The following IL17D variants were observed in gnomAD, a reference collection of about 807,000 sequenced individuals.
IL17D encodes interleukin 17D.
IL17D carries 10 observed loss-of-function variants against 5.7 expected under a neutral mutation model. That is an observed-to-expected ratio of 1.75 (90% confidence interval 1.08 to 2.97). The LOEUF is 2.97. IL17D is among the 30% of genes most tolerant of loss of function. The pLI is 0.00. For synonymous variants in IL17D, 172 were observed against 141.7 expected (o/e 1.21, Z -1.52); for missense variants, 354 against 292.7 (o/e 1.21, Z -1.53).
chr13:20,718,778 A>T (rs1248397309), intron 1 of IL17D, among the ~76,000 whole-genome samples: 2 of 138,098 alleles, frequency 1.4e-5, no homozygotes, highest in Non-Finnish European at 3.1e-5. Flanking sequence ...GCCCATGCTC[A>T]CACACCCACA....
At chr13:20,702,859 T>TA (rs2058555819), upstream of IL17D, 1 of 152,226 alleles carries the variant, frequency 6.6e-6, no homozygotes, top group Non-Finnish European at 1.5e-5. Context: ...TTATTAAAAA[T>TA]AGAGATTTAA....
At chr13:20,720,874 A>AACC (rs1566522185) in intron 1 of IL17D, among the ~76,000 whole-genome samples, 2 of 75,748 alleles carry the variant, frequency 2.6e-5, no homozygotes, top group Non-Finnish European at 2.5e-5. Context: ...CTCCCTCCCA[A>AACC]CCCCCCCCCC....
At chr13:20,721,552 T>TC in intron 1 of IL17D, 84 bp from the exon 2 acceptor site, 1 of 1,210,268 alleles carries the variant, frequency 8.3e-7, no homozygotes, top group Non-Finnish European at 1.1e-6. Flanking sequence ...CCCGAGGCCC[T>TC]CCCCGGTGAC....
At chr13:20,719,024 A>C (rs533844111) in intron 1 of IL17D, among the ~76,000 whole-genome samples, 84 of 122,694 alleles carry the variant, frequency 6.8e-4, no homozygotes, top group African/African-American at 3.1e-3. Flanking sequence ...ACACATGCCC[A>C]CACAGACACC....
At chr13:20,706,042 G>A (rs1183093227) in intron 1 of IL17D, among the ~76,000 whole-genome samples, 1 of 152,108 alleles carries the variant, frequency 6.6e-6, no homozygotes, top group East Asian at 1.9e-4. Context: ...ATGCTGTCCT[G>A]GGAAGCCAAG....
At chr13:20,721,505 C>T in intron 1 of IL17D, 131 bp from the exon 2 acceptor site, 1 of 692,486 alleles carries the variant, frequency 1.4e-6, no homozygotes, top group Non-Finnish European at 2.3e-6. Flanking sequence ...CGGGGGGCCT[C>T]GCACGCACGC....
rs1336318498 is a variant in IL17D at position 20,703,854 on chromosome 13, T to C, written c.-148T>C. 2 of 210,564 alleles carry C rather than the reference T, an allele frequency of 9.5e-6. No homozygotes were observed. Among genetic ancestry groups the C allele is most frequent in the African/African-American group, 4.9e-5 (2 of 40,966 alleles). The allele number at this position is 210,564 out of a possible 1,614,324, so 13.0% of individuals were successfully genotyped here. Reference sequence around the variant, plus strand: ...GCGCTCTGGGGCCCGCCCGCGCGGCTCCCATCCTCCGGGCCGGCCTCTGGC... The same window carrying C: ...GCGCTCTGGGGCCCGCCCGCGCGGCCCCCATCCTCCGGGCCGGCCTCTGGC... On this transcript the variant is annotated 5_prime_UTR_variant, in exon 1 of 2. Transcript: ENST00000682841.
intron 1 of IL17D, among the ~76,000 whole-genome samples, chr13:20,707,647 T>C (rs1293707523): frequency 1.3e-5 from 2 of 152,054 alleles, no homozygotes; most frequent in Admixed American, 6.6e-5. Flanking sequence ...CAGCCTCCCA[T>C]GTAGCTGAGA....
chr13:20,706,422 C>G (rs1457956470), intron 1 of IL17D, among the ~76,000 whole-genome samples: 1 of 152,244 alleles, frequency 6.6e-6, no homozygotes, highest in Admixed American at 6.5e-5. Context: ...ATAGCAGATT[C>G]GAACTCTCAG....
intron 1 of IL17D, 61 bp downstream of exon 1, chr13:20,704,352 AG>A (rs1464553990): frequency 3.5e-6 from 2 of 578,998 alleles, no homozygotes; most frequent in East Asian, 2.8e-4. Flanking sequence ...CTGGGCGGGG[AG>A]AGTGGGTGGG....
At chr13:20,710,123 A>G (rs941448476) in intron 1 of IL17D, among the ~76,000 whole-genome samples, 3 of 152,218 alleles carry the variant, frequency 2.0e-5, no homozygotes, top group Admixed American at 2.0e-4. Context: ...CAGCTTCCAG[A>G]ATACAAAAAT....
chr13:20,708,976 A>G (rs1460851643), intron 1 of IL17D, among the ~76,000 whole-genome samples: 19 of 143,864 alleles, frequency 1.3e-4, no homozygotes, highest in Admixed American at 2.8e-4. Flanking sequence ...AAAAAAAAAA[A>G]AAGAAAGAAA....
chr13:20,718,740 A>C (rs1264162089), intron 1 of IL17D, among the ~76,000 whole-genome samples: 1 of 48,416 alleles, frequency 2.1e-5, no homozygotes, highest in African/African-American at 5.1e-5. Flanking sequence ...GGCTACGCTC[A>C]CACACACCTG....
At chr13:20,704,540 G>T (rs1402318123) in intron 1 of IL17D, among the ~76,000 whole-genome samples, 1 of 114,810 alleles carries the variant, frequency 8.7e-6, no homozygotes, top group African/African-American at 3.3e-5. Context: ...GGGGCGCTGC[G>T]ATGAGGCGGG....
chr13:20,711,262 C>T (rs574505757), intron 1 of IL17D, among the ~76,000 whole-genome samples: 2 of 128,892 alleles, frequency 1.6e-5, no homozygotes, highest in African/African-American at 3.0e-5. Flanking sequence ...GAAACTCTGT[C>T]TCAAAAAAAG....
chr13:20,720,361 C>T (rs7331267), intron 1 of IL17D, among the ~76,000 whole-genome samples: 5,952 of 152,222 alleles, frequency 0.039, 374 homozygotes, highest in African/African-American at 0.13. Flanking sequence ...TCTAAAATTC[C>T]ATCTGAGGGA....
intron 1 of IL17D, among the ~76,000 whole-genome samples, chr13:20,721,198 C>T (rs868562719): frequency 6.6e-6 from 1 of 152,092 alleles, no homozygotes; most frequent in Admixed American, 6.6e-5. Flanking sequence ...TCTAGACCTG[C>T]CCCAAGCCTG....
intron 1 of IL17D, among the ~76,000 whole-genome samples, chr13:20,705,231 AG>A (rs2058582172): frequency 7.0e-6 from 1 of 143,406 alleles, no homozygotes; most frequent in African/African-American, 2.6e-5. Flanking sequence ...TCGCCTACAA[AG>A]GCAGTGCTGA....
intron 1 of IL17D, among the ~76,000 whole-genome samples, chr13:20,704,856 G>T (rs1226699866): frequency 6.6e-6 from 1 of 152,124 alleles, no homozygotes; most frequent in African/African-American, 2.4e-5. Context: ...TCCAGAGGCT[G>T]CTGGAGTGGA....
Sources: allele counts gnomAD v4.1 joint callset (sites outside exome capture counted in the v4.1 genomes callset), GRCh38; gene constraint gnomAD v4.1.1; transcripts MANE v1.5; gene names NCBI Gene and HGNC (gene_info 2026-07-23, HGNC 2026-07-21).